MCM9: variants seen among roughly 807,000 people sequenced by gnomAD.
MCM9 encodes the protein minichromosome maintenance 9 homologous recombination repair factor, also known as DNA helicase MCM9.
In MCM9, 55 loss-of-function variants were observed where a neutral mutation model predicts 72.8. That is an observed-to-expected ratio of 0.76 (90% confidence interval 0.61 to 0.95). MCM9 has a LOEUF of 0.95. MCM9 is among the 40% of genes least tolerant of loss of function. The pLI is 0.00. For missense variants in MCM9, 1,279 were observed against 1,377.0 expected, an observed-to-expected ratio of 0.93 and a Z score of 1.13; for synonymous variants, 480 against 503.4, an observed-to-expected ratio of 0.95 and a Z score of 0.62.
chr6:118,904,471 C>A (rs1177487837), intron 8 of MCM9, among the ~76,000 whole-genome samples: 1 of 152,198 alleles, frequency 6.6e-6, no homozygotes, highest in Non-Finnish European at 1.5e-5. Context: ...CCATTTACCA[C>A]CCAGAATGGC....
At chr6:118,855,748 G>A (rs1370631908) in intron 9 of MCM9, among the ~76,000 whole-genome samples, 2 of 152,110 alleles carry the variant, frequency 1.3e-5, no homozygotes, top group Non-Finnish European at 2.9e-5. Context: ...AGCCTGTTTG[G>A]TGGCCAGCCT....
chr6:118,865,990 C>A (rs917062345), intron 8 of MCM9, among the ~76,000 whole-genome samples: 4 of 152,182 alleles, frequency 2.6e-5, no homozygotes, highest in Admixed American at 6.5e-5. Flanking sequence ...GAAATAGACA[C>A]CCACATTCAG....
At chr6:118,833,848 T>C (rs1395905243) in intron 9 of MCM9, among the ~76,000 whole-genome samples, 2 of 152,160 alleles carry the variant, frequency 1.3e-5, no homozygotes, top group Non-Finnish European at 2.9e-5. Flanking sequence ...AGAGTCCTGG[T>C]GATTGCTTGT....
At chr6:118,926,706 C>T (rs1781922881) in intron 3 of MCM9, among the ~76,000 whole-genome samples, 1 of 152,124 alleles carries the variant, frequency 6.6e-6, no homozygotes, top group African/African-American at 2.4e-5. Context: ...GTTGTTTCCA[C>T]TTTTTGGCTA....
intron 3 of MCM9, among the ~76,000 whole-genome samples, chr6:118,930,210 A>G (rs1782287431): frequency 1.3e-5 from 2 of 152,112 alleles, no homozygotes; most frequent in Admixed American, 1.3e-4. Flanking sequence ...TCCTGGGTTC[A>G]CACCATTCTC....
chr6:118,925,718 G>A (rs1562440660), intron 3 of MCM9, among the ~76,000 whole-genome samples: 1 of 151,948 alleles, frequency 6.6e-6, no homozygotes, highest in East Asian at 1.9e-4. Context: ...AATTCAGATT[G>A]CATCACATTT....
chr6:118,887,384 T>C (rs1323385453), intron 8 of MCM9, among the ~76,000 whole-genome samples: 1 of 152,070 alleles, frequency 6.6e-6, no homozygotes, highest in Non-Finnish European at 1.5e-5. Flanking sequence ...ATTAGGAAAA[T>C]AGTCTTTTCA....
chr6:118,824,102 A>G (rs1335541277), intron 13 of MCM9, among the ~76,000 whole-genome samples: 2 of 119,580 alleles, frequency 1.7e-5, no homozygotes, highest in African/African-American at 6.5e-5. Context: ...CCCAGGCTGG[A>G]GTGCAGTGGC....
chr6:118,873,737 A>G (rs1038843238), intron 8 of MCM9, among the ~76,000 whole-genome samples: 1 of 152,234 alleles, frequency 6.6e-6, no homozygotes, highest in Non-Finnish European at 1.5e-5. Flanking sequence ...AATCTCTTTC[A>G]TAATACAGAG....
At chr6:118,843,195 C>A (rs1427117779) in intron 9 of MCM9, among the ~76,000 whole-genome samples, 10 of 151,994 alleles carry the variant, frequency 6.6e-5, no homozygotes, top group African/African-American at 1.9e-4. Context: ...ATGTGCCACC[C>A]ACAGGAAAAC....
At chr6:118,929,837 C>G (rs1217478835) in intron 3 of MCM9, among the ~76,000 whole-genome samples, 1 of 151,874 alleles carries the variant, frequency 6.6e-6, no homozygotes, top group African/African-American at 2.4e-5. Flanking sequence ...TGGGGGGGAC[C>G]CTTTTTCTTG....
Position 118,815,929 on chromosome 6 carries a change from A to C in MCM9, c.2327T>G (p.Ile776Ser), listed in dbSNP as rs572521467. 1.4e-5 allele frequency: 21 copies of C among 1,548,966 alleles called. No homozygotes were observed. The African/African-American group carries it at 2.6e-4, about 19-fold the overall frequency. Residue 776 changes from isoleucine (I) to serine (S), a missense_variant, in exon 14 of 14, where the codon ATC (isoleucine) becomes AGC (serine). Ile to Ser is a moderately radical substitution (Grantham distance 142). Transcript: ENST00000619706. The part of the protein sequence containing the change: ...KTSGENMASK[I>S]SNSTSQGKEK... Reference sequence around the variant, plus strand: ...CTTACCCTGAGATGTGCTGTTAGAGATCTTCGAAGCCATATTTTCTCCAGA... The same window carrying C: ...CTTACCCTGAGATGTGCTGTTAGAGCTCTTCGAAGCCATATTTTCTCCAGA...
At chr6:118,819,139 A>T (rs554588767) in intron 13 of MCM9, among the ~76,000 whole-genome samples, 11 of 152,342 alleles carry the variant, frequency 7.2e-5, no homozygotes, top group African/African-American at 2.6e-4. Flanking sequence ...TGCTCTGGCC[A>T]GAACTTCCAA....
At chr6:118,899,680 T>TTACAATACAATATAAATAAGCAG (rs1779672354) in intron 8 of MCM9, among the ~76,000 whole-genome samples, 1 of 152,178 alleles carries the variant, frequency 6.6e-6, no homozygotes, top group African/African-American at 2.4e-5. Flanking sequence ...TGATTGTAGT[T>TTACAATACAATATAAATAAGCAG]TACAATACAA....
Position 118,850,398 on chromosome 6 carries a change from G to A in MCM9, c.1325+5973C>T, listed in dbSNP as rs922453143. Among the ~76,000 whole-genome samples, 6 of 151,794 alleles carry A rather than the reference G, an allele frequency of 4.0e-5. No homozygotes were observed. In the East Asian group the frequency reaches 7.7e-4, roughly 20 times the overall value. ...ATAAAATAATTTTGAAGAGTCATAA[G>A]TATCTTCTGACCCAGGCCTAAGTTG... On this transcript the variant is annotated intron_variant, in intron 9 of 13. Coordinates refer to ENST00000619706, the MANE Select transcript of MCM9 (RefSeq NM_017696.3).
At chr6:118,867,076 C>G (rs1381796492) in intron 8 of MCM9, among the ~76,000 whole-genome samples, 1 of 151,520 alleles carries the variant, frequency 6.6e-6, no homozygotes, top group African/African-American at 2.4e-5. Context: ...TAACTCTATA[C>G]TCAGCAATTC....
intron 5 of MCM9, chr6:118,920,991 G>C (rs1781382154): frequency 6.6e-6 from 1 of 152,208 alleles, no homozygotes; most frequent in Non-Finnish European, 1.5e-5. Context: ...GGACAAAGGA[G>C]AACTCAGGAC....
intron 8 of MCM9, chr6:118,894,322 G>A: frequency 3.3e-6 from 5 of 1,515,352 alleles, no homozygotes; most frequent in Non-Finnish European, 4.4e-6. Flanking sequence ...CGGCGCTGGA[G>A]CGGGGGTCTG....
intron 3 of MCM9, among the ~76,000 whole-genome samples, chr6:118,925,906 A>G (rs1476687717): frequency 1.3e-5 from 2 of 151,934 alleles, no homozygotes; most frequent in African/African-American, 4.8e-5. Context: ...TGAATACTTT[A>G]AAAAAAATAT....
Sources: gnomAD v4.1 joint callset for allele counts (sites outside exome capture counted in the v4.1 genomes callset) on GRCh38, gnomAD v4.1.1 for gene constraint, MANE v1.5 for transcripts, NCBI Gene and HGNC (gene_info 2026-07-23, HGNC 2026-07-21) for gene names.